The following MRTFA variants were observed in gnomAD, a reference collection of about 807,000 sequenced individuals.
The protein encoded by MRTFA is myocardin related transcription factor A.
A neutral mutation model predicts 83.5 loss-of-function variants in MRTFA; 20 were observed. That is an observed-to-expected ratio of 0.24 (90% CI 0.17 to 0.35). The LOEUF (loss-of-function observed/expected upper bound fraction) is 0.35, where lower values mean the gene tolerates loss of function less well. Ranked by LOEUF, MRTFA falls within the 10% of genes least tolerant of loss-of-function variation. The probability of loss-of-function intolerance (pLI) is 1.00; values close to 1 mark genes in which losing one functional copy is unlikely to be tolerated. For synonymous variants in MRTFA, 659 were observed against 541.2 expected (o/e 1.22, Z -3.02); for missense variants, 1,200 against 1,224.7 (o/e 0.98, Z 0.30).
At chr22:40,599,454 A>G (rs2056232400) in intron 1 of MRTFA, among the ~76,000 whole-genome samples, 1 of 152,198 alleles carries the variant, frequency 6.6e-6, no homozygotes, top group African/African-American at 2.4e-5. Flanking sequence ...TTACAATCTA[A>G]GATGACATTA....
chr22:40,576,258 T>C (rs902432365), intron 2 of MRTFA, among the ~76,000 whole-genome samples: 1 of 152,158 alleles, frequency 6.6e-6, no homozygotes, highest in Non-Finnish European at 1.5e-5. Flanking sequence ...CTCAAACTCC[T>C]GACCTCAGGT....
chr22:40,480,112 T>C (rs959843160), intron 3 of MRTFA, among the ~76,000 whole-genome samples: 1 of 152,166 alleles, frequency 6.6e-6, no homozygotes, highest in African/African-American at 2.4e-5. Flanking sequence ...TCATACCATT[T>C]TGTAGATGAG....
At position 40,536,082 on chromosome 22, in the gene MRTFA, G is replaced by C. The variant is rs1286420731; in HGVS notation, c.241+16024C>G. Among the ~76,000 whole-genome samples, 5 of 149,234 alleles carry C rather than the reference G, an allele frequency of 3.4e-5. No individual in the cohort carries two copies. The South Asian group carries it at 6.3e-4, about 19-fold the overall frequency. ...CAAACGGGAGGGTGGGTTGAAACTAGAAGTTAGAGACCAGGTTGGGCAACA... is the reference window on the plus strand; with the variant it reads ...CAAACGGGAGGGTGGGTTGAAACTACAAGTTAGAGACCAGGTTGGGCAACA... On this transcript the variant is annotated intron_variant, in intron 3 of 14. Coordinates refer to ENST00000355630, the MANE Select transcript of MRTFA (RefSeq NM_020831.6).
chr22:40,464,392 C>T (rs554507150), intron 3 of MRTFA, among the ~76,000 whole-genome samples: 1 of 146,716 alleles, frequency 6.8e-6, no homozygotes, highest in African/African-American at 2.5e-5. Context: ...ACAAACTACA[C>T]AGAATGACAA....
rs549254361 is a variant in MRTFA at position 40,527,383 on chromosome 22, GTT to G, written c.241+24721_241+24722del. On this transcript the variant is annotated intron_variant, in intron 3 of 14. Transcript: ENST00000355630. ...ACGAGTGCAAGGCAAAGAAAGTGGA[GTT>G]TTTTTTTTTTGTCATTGATGGCAGA... Among the ~76,000 whole-genome samples the G allele has an allele frequency of 2.8e-5, 4 of 143,210 alleles. No homozygotes were observed. In the East Asian group the frequency reaches 8.0e-4, roughly 29 times the overall value. 94.0% of individuals were successfully genotyped at this position (143,210 alleles called of 152,430 possible).
chr22:40,454,632 G>A (rs1328638387), intron 4 of MRTFA, among the ~76,000 whole-genome samples: 1 of 152,058 alleles, frequency 6.6e-6, no homozygotes, highest in Non-Finnish European at 1.5e-5. Context: ...ATCACTCCAT[G>A]GGTAACTAAT....
intron 3 of MRTFA, among the ~76,000 whole-genome samples, chr22:40,534,938 G>A (rs2055142032): frequency 6.6e-6 from 1 of 152,218 alleles, no homozygotes; most frequent in South Asian, 2.1e-4. Flanking sequence ...CAGAATGACT[G>A]AAGGCAATAT....
At chr22:40,479,972 G>A (rs1057159469) in intron 3 of MRTFA, among the ~76,000 whole-genome samples, 4 of 152,138 alleles carry the variant, frequency 2.6e-5, no homozygotes, top group Non-Finnish European at 5.9e-5. Context: ...ATAAGCTTAT[G>A]AAAATCTAAC....
At chr22:40,496,052 T>C (rs1047683790) in intron 3 of MRTFA, among the ~76,000 whole-genome samples, 12 of 150,772 alleles carry the variant, frequency 8.0e-5, no homozygotes, top group African/African-American at 2.4e-4. Context: ...GGCCACAGAA[T>C]GAGACTCAGT....
At chr22:40,613,957 T>C (rs1282251545) in intron 1 of MRTFA, among the ~76,000 whole-genome samples, 3 of 151,108 alleles carry the variant, frequency 2.0e-5, no homozygotes, top group East Asian at 3.9e-4. Flanking sequence ...CCCAGCACTT[T>C]GGGAGGCCGA....
At chr22:40,595,389 G>A (rs1049003657) in intron 1 of MRTFA, among the ~76,000 whole-genome samples, 6 of 151,936 alleles carry the variant, frequency 3.9e-5, no homozygotes, top group African/African-American at 1.2e-4. Flanking sequence ...CCAAAGTGCT[G>A]GGATTACAGG....
intron 1 of MRTFA, among the ~76,000 whole-genome samples, chr22:40,620,952 CAGG>C (rs891494895): frequency 6.6e-6 from 1 of 152,050 alleles, no homozygotes; most frequent in Admixed American, 6.6e-5. Context: ...GAGGCCAAAG[CAGG>C]AGGATAGCTT....
At chr22:40,563,374 G>GT (rs981989832) in intron 2 of MRTFA, among the ~76,000 whole-genome samples, 23 of 152,020 alleles carry the variant, frequency 1.5e-4, no homozygotes, top group South Asian at 8.3e-4. Flanking sequence ...CATTCTACTG[G>GT]TTTTTTTGTC....
At chr22:40,502,284 G>A (rs1398027930) in intron 3 of MRTFA, among the ~76,000 whole-genome samples, 2 of 131,850 alleles carry the variant, frequency 1.5e-5, no homozygotes, top group Non-Finnish European at 3.3e-5. Context: ...GCCGGGCGGA[G>A]GGGCTCCTCA....
At chr22:40,512,923 AT>A (rs1282319622) in intron 3 of MRTFA, among the ~76,000 whole-genome samples, 1 of 152,254 alleles carries the variant, frequency 6.6e-6, no homozygotes. Context: ...AGTTATGAAC[AT>A]TTGTTAAACT....
At chr22:40,460,407 A>G (rs891256453) in intron 4 of MRTFA, among the ~76,000 whole-genome samples, 3 of 152,206 alleles carry the variant, frequency 2.0e-5, no homozygotes, top group African/African-American at 7.2e-5. Flanking sequence ...CCTGAGAAGT[A>G]GCATTATGCT....
At chr22:40,550,901 G>C (rs1333368935) in intron 3 of MRTFA, among the ~76,000 whole-genome samples, 1 of 149,484 alleles carries the variant, frequency 6.7e-6, no homozygotes, top group Non-Finnish European at 1.5e-5. Flanking sequence ...GCCCAGGCTG[G>C]AGTGCAGTGG....
chr22:40,532,595 T>A (rs979332506), intron 3 of MRTFA, among the ~76,000 whole-genome samples: 1 of 152,246 alleles, frequency 6.6e-6, no homozygotes, highest in Non-Finnish European at 1.5e-5. Flanking sequence ...GGTAGTGGTA[T>A]CTGTCTTCTT....
Position 40,411,471 on chromosome 22 carries a change from G to A in MRTFA, c.3015C>T (p.Leu1005=), listed in dbSNP as rs1467516946. 6.2e-7 allele frequency: 1 copy of A among 1,605,496 alleles called. No homozygotes were observed. The highest frequency in any genetic ancestry group is 1.3e-5 in the African/African-American group (1 of 74,760). Residue 1005 remains leucine, a synonymous_variant, in exon 15 of 15, where the codon CTC becomes CTT. Transcript: ENST00000355630. ...AGAAGAGGCTGGGGGCTGTGGTGCT[G>A]AGGGGGGCTAGGCTCAGCACGGGAC...
Sources: allele counts gnomAD v4.1 joint callset (sites outside exome capture counted in the v4.1 genomes callset), GRCh38; gene constraint gnomAD v4.1.1; transcripts MANE v1.5; gene names NCBI Gene and HGNC (gene_info 2026-07-23, HGNC 2026-07-21).